WNT2B: variants seen among roughly 807,000 people sequenced by gnomAD.
WNT2B encodes the protein protein Wnt-2b.
A neutral mutation model predicts 40.5 loss-of-function variants in WNT2B; 19 were observed. That is an observed-to-expected ratio of 0.47 (90% CI 0.33 to 0.69). WNT2B has a LOEUF of 0.69. Ranked by LOEUF, WNT2B falls within the 30% of genes least tolerant of loss-of-function variation. The probability of loss-of-function intolerance (pLI) is 0.02; values close to 1 mark genes in which losing one functional copy is unlikely to be tolerated. For missense variants in WNT2B, 467 were observed against 556.4 expected, an observed-to-expected ratio of 0.84 and a Z score of 1.62; for synonymous variants, 220 against 211.9, an observed-to-expected ratio of 1.04 and a Z score of -0.33.
intron 1 of WNT2B, among the ~76,000 whole-genome samples, chr1:112,475,624 C>G (rs1041699981): frequency 3.3e-5 from 5 of 151,876 alleles, no homozygotes; most frequent in African/African-American, 1.2e-4. Flanking sequence ...GGCATAATAT[C>G]ACATGAAGCT....
intron 1 of WNT2B, among the ~76,000 whole-genome samples, chr1:112,487,977 C>T (rs539013597): frequency 1.1e-4 from 15 of 142,458 alleles, no homozygotes; most frequent in African/African-American, 2.9e-4. Context: ...TGTTGGTAGA[C>T]GACTCATATA....
intron 1 of WNT2B, among the ~76,000 whole-genome samples, chr1:112,469,358 A>G (rs1269291436): frequency 6.6e-6 from 1 of 151,950 alleles, no homozygotes. Flanking sequence ...TTTTTTTTCT[A>G]TTCTGCGGAA....
intron 1 of WNT2B, among the ~76,000 whole-genome samples, chr1:112,501,458 C>T (rs777968151): frequency 2.0e-5 from 3 of 152,170 alleles, no homozygotes; most frequent in Non-Finnish European, 4.4e-5. Flanking sequence ...TACCCACATA[C>T]ATTATTTGGG....
intron 1 of WNT2B, among the ~76,000 whole-genome samples, chr1:112,496,062 C>T (rs1426095605): frequency 6.6e-6 from 1 of 152,198 alleles, no homozygotes; most frequent in Non-Finnish European, 1.5e-5. Context: ...AATAGTGTCA[C>T]ATTAATAGTG....
chr1:112,503,038 G>A (rs1403006580), intron 1 of WNT2B, among the ~76,000 whole-genome samples: 1 of 152,142 alleles, frequency 6.6e-6, no homozygotes, highest in Non-Finnish European at 1.5e-5. Context: ...AGAGGCCCCA[G>A]CACAAAGAGG....
chr1:112,516,055 T>G, intron 2 of WNT2B, 85 bp from the exon 3 acceptor site: 1 of 1,507,058 alleles, frequency 6.6e-7, no homozygotes, highest in Non-Finnish European at 8.9e-7. Context: ...GGGAAGAGGT[T>G]TCAGAGTCAG....
rs1417524001 is a variant in WNT2B at position 112,523,627 on chromosome 1, G to C, written c.*3118G>C. On this transcript the variant is annotated 3_prime_UTR_variant, in exon 5 of 5. Coordinates refer to ENST00000369684, the MANE Select transcript of WNT2B (RefSeq NM_024494.3). ...TCTCCCAGCCCTCTTCTATTTGATA[G>C]AGGTCTGTCCCTCAGATCAGCAATG... The C allele has an allele frequency of 6.6e-6, 1 of 152,100 alleles. No individual in the cohort carries two copies. The highest frequency in any genetic ancestry group is 1.5e-5 in the Non-Finnish European group (1 of 68,032). The allele number at this position is 152,100 out of a possible 1,614,324, so 9.4% of individuals were successfully genotyped here.
Position 112,509,490 on chromosome 1 carries a change from A to G in WNT2B, c.182+46A>G. On this transcript the variant is annotated intron_variant, in intron 1 of 4. Transcript: ENST00000369684. This position sits in a 1 kb window ranked among gnomAD's most constrained non-coding sequence, Gnocchi z 4.2. ...GGGCGGGTGAGGCGCTTGGTAGGAG[A>G]GGCCGGAGGCGCCTGGAGGGACTGG... 1 of 1,521,128 alleles carries G rather than the reference A, an allele frequency of 6.6e-7. No homozygotes were observed. The highest frequency in any genetic ancestry group is 2.6e-5 in the East Asian group (1 of 38,776). The allele number at this position is 1,521,128 out of a possible 1,614,324, so 94.2% of individuals were successfully genotyped here.
chr1:112,496,640 GC>G (rs1191328640), intron 1 of WNT2B, among the ~76,000 whole-genome samples: 1 of 147,906 alleles, frequency 6.8e-6, no homozygotes, highest in Admixed American at 6.8e-5. Context: ...CACTCTTGTT[GC>G]CCAGGCTGGA....
intron 1 of WNT2B, among the ~76,000 whole-genome samples, chr1:112,496,869 G>A (rs1316055465): frequency 6.6e-6 from 1 of 152,190 alleles, no homozygotes; most frequent in African/African-American, 2.4e-5. Flanking sequence ...CAAAGTGCTG[G>A]ATTACAGGCG....
Position 112,524,492 on chromosome 1 carries a change from CAG to C in WNT2B, c.*3986_*3987del, listed in dbSNP as rs1001825740. Reference sequence around the variant, plus strand: ...GCCTTGTGGAGAGAGGTGCCAGACACAGAGTTCTCCGTAAGCAATCCTGCAGA... The same window carrying C: ...GCCTTGTGGAGAGAGGTGCCAGACACAGTTCTCCGTAAGCAATCCTGCAGA... On this transcript the variant is annotated 3_prime_UTR_variant, in exon 5 of 5. Coordinates refer to ENST00000369684, the MANE Select transcript of WNT2B (RefSeq NM_024494.3). 1.3e-5 allele frequency: 2 copies of C among 152,724 alleles called. No individual in the cohort carries two copies. Among genetic ancestry groups the C allele is most frequent in the East Asian group, 3.8e-4 (2 of 5,198 alleles). The allele number at this position is 152,724 out of a possible 1,614,324, so 9.5% of individuals were successfully genotyped here. A position where few individuals can be genotyped will look rare whatever the true frequency, so the allele number is the denominator to read the frequency against.
rs201954110 is a variant in WNT2B, at chr1:112,484,288, T to TACAC, written c.-95+16698_-95+16699insCACA. On this transcript the variant is annotated intron_variant, in intron 1 of 4. Coordinates refer to the WNT2B transcript ENST00000256640. The stretch of plus-strand genomic sequence containing the variant: ...ATATATACACATATATATATATATA[T>TACAC]ATACACACACATATATATAGAGAGA... Among the ~76,000 whole-genome samples, 28 of 123,530 alleles carry TACAC rather than the reference T, an allele frequency of 2.3e-4. 1 individual carries two copies. Among genetic ancestry groups the TACAC allele is most frequent in the African/African-American group, 9.2e-4 (28 of 30,350 alleles). The allele number at this position is 123,530 out of a possible 152,430, so 81.0% of individuals were successfully genotyped here. A position where few individuals can be genotyped will look rare whatever the true frequency, so the allele number is the denominator to read the frequency against.
Position 112,509,162 on chromosome 1 carries a change from C to A in WNT2B, c.-101C>A. The A allele has an allele frequency of 7.2e-7, 1 of 1,384,672 alleles. No homozygotes were observed. The allele number at this position is 1,384,672 out of a possible 1,614,324, so 85.8% of individuals were successfully genotyped here. On this transcript the variant is annotated 5_prime_UTR_variant, in exon 1 of 5. Transcript: ENST00000369684. The surrounding 1 kb of genome is among the most constrained non-coding windows in gnomAD (Gnocchi z 4.2). ...TAGGTCCCCAGCCGCCGGCGAACAC[C>A]ATGGCCCCCCAGGGGGGTGAGGTAG...
rs1381710134 is a variant in WNT2B, at chr1:112,529,296, G to C, written c.*8787G>C. ...AGCCACAAAACCAGTGATAGCATTT[G>C]TTAGTATCATCTTAGTTCTCTTCCC... On this transcript the variant is annotated 3_prime_UTR_variant, in exon 5 of 5. Coordinates refer to ENST00000369684, the MANE Select transcript of WNT2B (RefSeq NM_024494.3). 6.6e-6 allele frequency: 1 copy of C among 152,144 alleles called. No individual in the cohort carries two copies. The highest frequency in any genetic ancestry group is 1.5e-5 in the Non-Finnish European group (1 of 68,026). The allele number at this position is 152,144 out of a possible 1,614,324, so 9.4% of individuals were successfully genotyped here.
At chr1:112,512,229 C>T (rs928067959) in intron 1 of WNT2B, among the ~76,000 whole-genome samples, 1 of 152,156 alleles carries the variant, frequency 6.6e-6, no homozygotes, top group Non-Finnish European at 1.5e-5. Flanking sequence ...GGGGATAAAT[C>T]AGAACAGTTA....
Position 112,509,013 on chromosome 1 carries a change from G to A in WNT2B, c.-250G>A. On this transcript the variant is annotated 5_prime_UTR_variant, in exon 1 of 5. Transcript: ENST00000369684. This position sits in a 1 kb window ranked among gnomAD's most constrained non-coding sequence, Gnocchi z 4.2. ...TCAGCGCCGCAGACCCCCTGACACC[G>A]CACCCGGTCCTCAGGCAGCGCGCCC... 7.5e-7 allele frequency: 1 copy of A among 1,336,286 alleles called. No individual in the cohort carries two copies. Among genetic ancestry groups the A allele is most frequent in the Non-Finnish European group, 9.5e-7 (1 of 1,052,136 alleles). The allele number at this position is 1,336,286 out of a possible 1,614,324, so 82.8% of individuals were successfully genotyped here.
intron 1 of WNT2B, among the ~76,000 whole-genome samples, chr1:112,510,245 G>C (rs557866039): frequency 1.3e-5 from 2 of 152,238 alleles, no homozygotes; most frequent in African/African-American, 2.4e-5. Context: ...TCTCGTGTCT[G>C]TTCTTTTTAG....
chr1:112,510,100 C>A (rs900200211), intron 1 of WNT2B, among the ~76,000 whole-genome samples: 1 of 152,160 alleles, frequency 6.6e-6, no homozygotes, highest in Non-Finnish European at 1.5e-5. Context: ...CCCATTTCTC[C>A]CCTCCAAGAG....
chr1:112,487,337 T>A (rs552921822), intron 1 of WNT2B, among the ~76,000 whole-genome samples: 1 of 152,150 alleles, frequency 6.6e-6, no homozygotes, highest in African/African-American at 2.4e-5. Context: ...AGGTGTGATA[T>A]AATAAGAAAT....
Sources: allele counts gnomAD v4.1 joint callset (sites outside exome capture counted in the v4.1 genomes callset), GRCh38; gene constraint gnomAD v4.1.1; non-coding constraint Gnocchi (gnomAD v3.1); transcripts MANE v1.5; gene names NCBI Gene and HGNC (gene_info 2026-07-23, HGNC 2026-07-21).